Variants in SLC39A10 observed in about 807,000 individuals in gnomAD.
SLC39A10 encodes solute carrier family 39 member 10.
SLC39A10 carries 13 observed loss-of-function variants against 65.1 expected under a neutral mutation model. That is an observed-to-expected ratio of 0.20 (90% confidence interval 0.13 to 0.32). SLC39A10 has a LOEUF of 0.32. SLC39A10 is among the 10% of genes least tolerant of loss of function. The probability of loss-of-function intolerance (pLI) is 1.00; values close to 1 mark genes in which losing one functional copy is unlikely to be tolerated. For missense variants in SLC39A10, 831 were observed against 1,018.4 expected, an observed-to-expected ratio of 0.82 and a Z score of 2.50; for synonymous variants, 321 against 342.2, an observed-to-expected ratio of 0.94 and a Z score of 0.68.
At chr2:195,711,862 C>T (rs147705222) in intron 5 of SLC39A10, among the ~76,000 whole-genome samples, 1 of 152,160 alleles carries the variant, frequency 6.6e-6, no homozygotes, top group Non-Finnish European at 1.5e-5. Context: ...GTTGGCTCCT[C>T]CTTCCCCTTT....
intron 1 of SLC39A10, among the ~76,000 whole-genome samples, chr2:195,665,000 T>C (rs1689578037): frequency 6.6e-6 from 1 of 151,842 alleles, no homozygotes. Context: ...CTGGGCAACA[T>C]AGGGAAACCA....
At chr2:195,682,867 A>C (rs1279717672) in intron 2 of SLC39A10, among the ~76,000 whole-genome samples, 1 of 152,016 alleles carries the variant, frequency 6.6e-6, no homozygotes, top group African/African-American at 2.4e-5. Context: ...TAAAAAAAAA[A>C]AACTAAGAAG....
chr2:195,677,930 A>G (rs1252734286), intron 1 of SLC39A10, among the ~76,000 whole-genome samples: 1 of 151,982 alleles, frequency 6.6e-6, no homozygotes, highest in Admixed American at 6.6e-5. Context: ...TTGTACTTTT[A>G]GTAAAAATGG....
chr2:195,692,328 G>C (rs901539370), intron 3 of SLC39A10, among the ~76,000 whole-genome samples: 2 of 152,030 alleles, frequency 1.3e-5, no homozygotes, highest in Non-Finnish European at 2.9e-5. Context: ...GGCCCTGTAG[G>C]CTCTTTTTTG....
intron 7 of SLC39A10, 73 bp from the exon 8 acceptor site, chr2:195,718,179 C>T (rs967004136): frequency 8.2e-7 from 1 of 1,215,258 alleles, no homozygotes. Flanking sequence ...AAAGAAACTG[C>T]ATCTGTCATT....
At chr2:195,710,877 A>G (rs1289721165) in intron 5 of SLC39A10, among the ~76,000 whole-genome samples, 2 of 152,304 alleles carry the variant, frequency 1.3e-5, no homozygotes, top group South Asian at 2.1e-4. Context: ...AGAGAATAAA[A>G]TATGGTGGGA....
chr2:195,679,361 TC>T (rs1690217493), intron 1 of SLC39A10, among the ~76,000 whole-genome samples: 1 of 152,208 alleles, frequency 6.6e-6, no homozygotes, highest in African/African-American at 2.4e-5. Context: ...TGTCTTCTGT[TC>T]CTTTAGTCTG....
At chr2:195,707,565 A>G (rs1206087041) in intron 4 of SLC39A10, among the ~76,000 whole-genome samples, 1 of 150,380 alleles carries the variant, frequency 6.6e-6, no homozygotes. Context: ...TTCCAGATTT[A>G]GTATCTACAG....
chr2:195,679,317 A>G (rs916748689), intron 1 of SLC39A10, among the ~76,000 whole-genome samples: 2 of 152,208 alleles, frequency 1.3e-5, no homozygotes, highest in Non-Finnish European at 2.9e-5. Flanking sequence ...ACCAAGCACC[A>G]AGGAAAAGAC....
In SLC39A10 at chr2:195,701,052, G is replaced by C. The variant is rs910349656; in HGVS notation, c.1217-5564G>C. ...CCCTTCATCTTACTTGACTTCTACA[G>C]TGTATATGGATGTTGGTCTGTTGGT... On this transcript the variant is annotated intron_variant, in intron 3 of 9. Coordinates refer to ENST00000359634, the MANE Select transcript of SLC39A10 (RefSeq NM_020342.3). Among the ~76,000 whole-genome samples, 4 of 110,386 alleles carry C rather than the reference G, an allele frequency of 3.6e-5. No individual in the cohort carries two copies. The Admixed American group carries it at 5.8e-4, about 16-fold the overall frequency. The allele number at this position is 110,386 out of a possible 152,430, so 72.4% of individuals were successfully genotyped here. A position where few individuals can be genotyped will look rare whatever the true frequency, so the allele number is the denominator to read the frequency against.
At chr2:195,681,377 T>G (rs1027288534) in intron 2 of SLC39A10, among the ~76,000 whole-genome samples, 1 of 151,860 alleles carries the variant, frequency 6.6e-6, no homozygotes, top group Non-Finnish European at 1.5e-5. Context: ...ATACAAAAAA[T>G]TAGCGGGGCA....
chr2:195,631,305 C>T (rs1027229844), intron 2 of SLC39A10, among the ~76,000 whole-genome samples: 19 of 149,906 alleles, frequency 1.3e-4, no homozygotes, highest in African/African-American at 4.7e-4. Flanking sequence ...TTTATAACAC[C>T]CTCAAAATAC....
intron 2 of SLC39A10, among the ~76,000 whole-genome samples, chr2:195,623,009 C>T (rs1292853299): frequency 7.1e-6 from 1 of 140,460 alleles, no homozygotes; most frequent in Non-Finnish European, 1.5e-5. Context: ...CAAGTTTGAA[C>T]ATCATTCATG....
At chr2:195,686,245 T>A (rs141920641) in intron 3 of SLC39A10, among the ~76,000 whole-genome samples, 1 of 152,094 alleles carries the variant, frequency 6.6e-6, no homozygotes. Flanking sequence ...TTATTTGAGA[T>A]AGAGATACAA....
chr2:195,735,631 T>A lies in SLC39A10; in HGVS notation c.*590T>A, dbSNP rs577706195. On this transcript the variant is annotated 3_prime_UTR_variant, in exon 10 of 10. Transcript: ENST00000359634. ...TTATTCTTGAATCTAGAGTTACTAT[T>A]TTTGTATATATTTGCATAGTGTTTA... 2 of 152,640 alleles carry A rather than the reference T, an allele frequency of 1.3e-5. No individual in the cohort carries two copies. 9.5% of individuals were successfully genotyped at this position (152,640 alleles called of 1,614,324 possible).
At chr2:195,699,203 A>G (rs1252958084) in intron 3 of SLC39A10, among the ~76,000 whole-genome samples, 3 of 151,994 alleles carry the variant, frequency 2.0e-5, no homozygotes, top group Non-Finnish European at 2.9e-5. Context: ...TAGTCAGTCT[A>G]GCTAAAGGTT....
At chr2:195,700,058 A>G (rs994821984) in intron 3 of SLC39A10, among the ~76,000 whole-genome samples, 3 of 151,926 alleles carry the variant, frequency 2.0e-5, no homozygotes, top group African/African-American at 7.3e-5. Flanking sequence ...TTTGGTTACT[A>G]TTTTCATGGA....
At chr2:195,663,712 GAAATAA>G (rs1167007482) in intron 1 of SLC39A10, among the ~76,000 whole-genome samples, 2 of 149,340 alleles carry the variant, frequency 1.3e-5, no homozygotes, top group South Asian at 2.1e-4. Flanking sequence ...GAAAAAAAAA[GAAATAA>G]GAGAAAAGTA....
rs1692630970 is a variant in SLC39A10 at position 195,736,861 on chromosome 2, C to CCAA, written c.*1822_*1824dup. On this transcript the variant is annotated 3_prime_UTR_variant, in exon 10 of 10. Coordinates refer to ENST00000359634, the MANE Select transcript of SLC39A10 (RefSeq NM_020342.3). ...GGTGCTGATATTTTATTTAGTACTG[C>CCAA]CAACTTCAAGTGATTTAGATATCTA... The CCAA allele has an allele frequency of 6.8e-6, 1 of 147,612 alleles. No individual in the cohort carries two copies. Among genetic ancestry groups the CCAA allele is most frequent in the Non-Finnish European group, 1.5e-5 (1 of 65,900 alleles). The allele number at this position is 147,612 out of a possible 1,614,324, so 9.1% of individuals were successfully genotyped here.
Sources: gnomAD v4.1 joint callset for allele counts (sites outside exome capture counted in the v4.1 genomes callset) on GRCh38, gnomAD v4.1.1 for gene constraint, MANE v1.5 for transcripts, NCBI Gene and HGNC (gene_info 2026-07-23, HGNC 2026-07-21) for gene names.